The following RILPL1 variants were observed in gnomAD, a reference collection of about 807,000 sequenced individuals.
RILPL1 encodes RILP-like protein 1.
Under a neutral mutation model 50.3 loss-of-function variants are expected in RILPL1, and 33 were observed. The ratio of observed to expected loss-of-function variants is 0.66; its 90% CI spans 0.50 to 0.88. The LOEUF (loss-of-function observed/expected upper bound fraction) is 0.88. Among genes scored for constraint, RILPL1 ranks in the 40% least tolerant of loss-of-function variants. The probability of loss-of-function intolerance (pLI) is 0.00; values close to 1 mark genes in which losing one functional copy is unlikely to be tolerated. For synonymous variants in RILPL1, 205 were observed against 228.6 expected, an observed-to-expected ratio of 0.90 and a Z score of 0.93; for missense variants, 418 against 542.5, an observed-to-expected ratio of 0.77 and a Z score of 2.28.
intron 6 of RILPL1, among the ~76,000 whole-genome samples, chr12:123,480,361 A>G (rs1053054461): frequency 6.6e-6 from 1 of 151,702 alleles, no homozygotes; most frequent in Non-Finnish European, 1.5e-5. Context: ...TGGGGGTTTC[A>G]CCATGTAGGC....
intron 2 of RILPL1, among the ~76,000 whole-genome samples, chr12:123,505,499 AT>A (rs1225237964): frequency 3.3e-5 from 5 of 151,534 alleles, no homozygotes; most frequent in Non-Finnish European, 7.4e-5. Context: ...ATTAAAAAAA[AT>A]TTTTTTTAAG....
In RILPL1 at chr12:123,503,186, C is replaced by CTTTTTT. The variant is rs373514624; in HGVS notation, c.461-3656_461-3651dup. ...ACAGGCGTGAACCACCACGCCTGGCCTTTTTTTTTTTTTTTTTTTTTTTTT... is the reference window on the plus strand; with the variant it reads ...ACAGGCGTGAACCACCACGCCTGGCCTTTTTTTTTTTTTTTTTTTTTTTTTTTTTTT... On this transcript the variant is annotated intron_variant, in intron 2 of 6. Transcript: ENST00000376874. Among the ~76,000 whole-genome samples the CTTTTTT allele has an allele frequency of 9.2e-3, 744 of 80,702 alleles. 130 individuals carry two copies. Among genetic ancestry groups the CTTTTTT allele is most frequent in the Non-Finnish European group, 0.013 (573 of 43,316 alleles). 52.9% of individuals were successfully genotyped at this position (80,702 alleles called of 152,430 possible).
rs769383398 is a variant in RILPL1 at position 123,522,051 on chromosome 12, G to A, written c.460+1444C>T. On this transcript the variant is annotated intron_variant, in intron 2 of 6. Coordinates refer to ENST00000376874, the MANE Select transcript of RILPL1 (RefSeq NM_178314.5). This position sits in a 1 kb window ranked among gnomAD's most constrained non-coding sequence, Gnocchi z 4.0. ...CTCCCAAAGTGCTGGGATTACAGGC[G>A]TGAGCCACTGTGCCTGGCCTTTAGT... 1.8e-4 allele frequency among the ~76,000 whole-genome samples: 27 copies of A among 152,236 alleles called. No homozygotes were observed. Among genetic ancestry groups the A allele is most frequent in the African/African-American group, 5.3e-4 (22 of 41,548 alleles).
At chr12:123,532,820 C>T (rs1002389263) in intron 1 of RILPL1, among the ~76,000 whole-genome samples, 8 of 151,188 alleles carry the variant, frequency 5.3e-5, no homozygotes, top group Non-Finnish European at 1.0e-4. Context: ...AAGCACTTAG[C>T]TTATATGGTC....
intron 1 of RILPL1, among the ~76,000 whole-genome samples, chr12:123,530,711 G>A (rs1485175308): frequency 6.6e-6 from 1 of 152,206 alleles, no homozygotes; most frequent in Non-Finnish European, 1.5e-5. Context: ...TTGCTTTCTA[G>A]AATTTATTTG....
At position 123,495,943 on chromosome 12, in the gene RILPL1, C is replaced by G. The variant is rs372284090; in HGVS notation, c.801+2601G>C. Among the ~76,000 whole-genome samples the G allele has an allele frequency of 3.8e-4, 58 of 151,760 alleles. 2 individuals are homozygous for G. Among genetic ancestry groups the G allele is most frequent in the East Asian group, 3.7e-3 (19 of 5,138 alleles). On this transcript the variant is annotated intron_variant, in intron 4 of 6. Coordinates refer to ENST00000376874, the MANE Select transcript of RILPL1 (RefSeq NM_178314.5). The stretch of plus-strand genomic sequence containing the variant: ...AAATCGGCCTGCCTTGGCCTCCCAA[C>G]TCTTAAACCATTTTAACTTAGGCTT...
intron 2 of RILPL1, among the ~76,000 whole-genome samples, chr12:123,512,133 TGTGTGTGAGGTCTGTGTGTGTG>T (rs1566136820): frequency 1.5e-4 from 19 of 126,222 alleles, no homozygotes; most frequent in East Asian, 7.9e-4. Context: ...GTGTGTGTGG[TGTGTGTGAGGTCTGTGTGTGTG>T]GTGTGTGAGG....
chr12:123,516,033 C>CAAAAAAAAAAAAAAAAAAAAAAAAAA (rs749657516), intron 2 of RILPL1, among the ~76,000 whole-genome samples: 2 of 36,192 alleles, frequency 5.5e-5, no homozygotes, highest in African/African-American at 9.3e-5. Context: ...GACTCTGTCT[C>CAAAAAAAAAAAAAAAAAAAAAAAAAA]AAAAAAAAAA....
chr12:123,500,338 T>C (rs1013545601), intron 2 of RILPL1, among the ~76,000 whole-genome samples: 3 of 147,582 alleles, frequency 2.0e-5, no homozygotes, highest in East Asian at 2.0e-4. Flanking sequence ...GGCTGGAGTG[T>C]AGTGGTACAA....
intron 1 of RILPL1, among the ~76,000 whole-genome samples, chr12:123,532,076 C>T (rs751427553): frequency 2.0e-5 from 3 of 152,164 alleles, no homozygotes; most frequent in Non-Finnish European, 2.9e-5. Context: ...GGCTATTTTA[C>T]TCCAAAACAC....
intron 2 of RILPL1, among the ~76,000 whole-genome samples, chr12:123,502,984 T>C (rs1883494258): frequency 6.6e-6 from 1 of 151,586 alleles, no homozygotes; most frequent in South Asian, 2.1e-4. Context: ...CCCTCCTGGG[T>C]TCCAGTGATT....
chr12:123,527,423 G>A (rs139313963), intron 1 of RILPL1, among the ~76,000 whole-genome samples: 100 of 151,816 alleles, frequency 6.6e-4, no homozygotes, highest in Non-Finnish European at 1.9e-4. Context: ...AGGATCACTT[G>A]AGGTCAGGAG....
chr12:123,506,607 G>A (rs892048845), intron 2 of RILPL1, among the ~76,000 whole-genome samples: 4 of 152,178 alleles, frequency 2.6e-5, no homozygotes, highest in South Asian at 2.1e-4. Context: ...GGGAGGCCCC[G>A]GAGAGCGGTA....
intron 1 of RILPL1, among the ~76,000 whole-genome samples, chr12:123,526,318 T>A (rs28564295): frequency 6.5e-4 from 10 of 15,458 alleles, no homozygotes; most frequent in Non-Finnish European, 2.6e-3. Context: ...AAAATAAAAT[T>A]AAAATAAAAT....
At chr12:123,493,099 T>G (rs1882804693) in intron 4 of RILPL1, among the ~76,000 whole-genome samples, 1 of 152,160 alleles carries the variant, frequency 6.6e-6, no homozygotes, top group Non-Finnish European at 1.5e-5. Flanking sequence ...GGAAGGCATC[T>G]GTCTCCTGCC....
intron 4 of RILPL1, among the ~76,000 whole-genome samples, chr12:123,495,711 C>T (rs1325701657): frequency 1.3e-4 from 17 of 133,960 alleles, no homozygotes; most frequent in African/African-American, 3.7e-4. Flanking sequence ...GACAGAGTCT[C>T]GCTCCGTTGC....
chr12:123,499,678 C>T (rs1413333943), intron 2 of RILPL1, 142 bp from the exon 3 acceptor site: 8 of 653,456 alleles, frequency 1.2e-5, no homozygotes, highest in African/African-American at 7.2e-5. Context: ...TCTCCACTCA[C>T]GCCCTTCGCC....
chr12:123,472,854 G>A, intron 6 of RILPL1, 172 bp from the exon 7 acceptor site: 1 of 652,658 alleles, frequency 1.5e-6, no homozygotes. Context: ...AAAGCAGCAG[G>A]GTATTCTGCG....
At chr12:123,507,283 C>G (rs1658419843) in intron 2 of RILPL1, among the ~76,000 whole-genome samples, 1 of 152,162 alleles carries the variant, frequency 6.6e-6, no homozygotes, top group Admixed American at 6.5e-5. Context: ...AAGACTGAGG[C>G]CAGGCACAGT....
Sources: allele counts gnomAD v4.1 joint callset (sites outside exome capture counted in the v4.1 genomes callset), GRCh38; gene constraint gnomAD v4.1.1; non-coding constraint Gnocchi (gnomAD v3.1); transcripts MANE v1.5; gene names NCBI Gene and HGNC (gene_info 2026-07-23, HGNC 2026-07-21).